The following ALK variants were observed in gnomAD, a reference collection of about 807,000 sequenced individuals.
ALK encodes the protein ALK tyrosine kinase receptor.
A neutral mutation model predicts 163.1 loss-of-function variants in ALK; 74 were observed. The ratio of observed to expected loss-of-function variants is 0.45; its 90% CI spans 0.38 to 0.55. The LOEUF (loss-of-function observed/expected upper bound fraction) is 0.55. Ranked by LOEUF, ALK falls within the 20% of genes least tolerant of loss-of-function variation. The probability of loss-of-function intolerance (pLI) is 0.00; values close to 1 mark genes in which losing one functional copy is unlikely to be tolerated. For missense variants in ALK, 2,063 were observed against 2,105.3 expected, an observed-to-expected ratio of 0.98 and a Z score of 0.39; for synonymous variants, 960 against 843.2, an observed-to-expected ratio of 1.14 and a Z score of -2.40.
intron 3 of ALK, among the ~76,000 whole-genome samples, chr2:29,656,066 C>T (rs771590493): frequency 1.1e-4 from 16 of 152,096 alleles, no homozygotes; most frequent in Non-Finnish European, 2.1e-4. Flanking sequence ...GACACTAGAA[C>T]ATTTTTTTGG....
At position 29,550,707 on chromosome 2, in the gene ALK, G is replaced by A. The variant is rs527775273; in HGVS notation, c.953-18591C>T. Among the ~76,000 whole-genome samples the A allele has an allele frequency of 9.9e-5, 15 of 152,158 alleles. 1 individual carries two copies. The highest frequency in any genetic ancestry group is 5.2e-4 in the Admixed American group (8 of 15,282). ...TATAGGGACAAATAATACTTTCCCA[G>A]GAAAATTATTTTTCCTTTGTTATCA... On this transcript the variant is annotated intron_variant, in intron 3 of 28. Coordinates refer to ENST00000389048, the MANE Select transcript of ALK (RefSeq NM_004304.5).
chr2:29,661,391 A>T (rs1677341395), intron 3 of ALK, among the ~76,000 whole-genome samples: 1 of 152,168 alleles, frequency 6.6e-6, no homozygotes, highest in African/African-American at 2.4e-5. Flanking sequence ...TATGATTGTC[A>T]ACTCCAGGAC....
chr2:29,232,303 C>T lies in ALK; in HGVS notation c.2632+1G>A, dbSNP rs1664234863. 1.2e-6 allele frequency: 2 copies of T among 1,614,230 alleles called. No homozygotes were observed. The highest frequency in any genetic ancestry group is 1.7e-6 in the Non-Finnish European group (2 of 1,180,044). On this transcript the variant is annotated splice_donor_variant, in intron 15 of 28. Transcript: ENST00000389048. LOFTEE classifies it high-confidence loss of function. ...GAGAGGGCACGCTTGCAGCGCTTTA[C>T]CTGCGGCTCCGGAATTGCCGTTTAG...
intron 11 of ALK, among the ~76,000 whole-genome samples, chr2:29,251,622 GA>G (rs964898192): frequency 2.0e-5 from 3 of 152,218 alleles, no homozygotes; most frequent in Non-Finnish European, 4.4e-5. Context: ...AGGAAGGGGA[GA>G]AGGCCCCTGC....
At chr2:29,847,069 C>T (rs981624781) in intron 1 of ALK, among the ~76,000 whole-genome samples, 1 of 152,152 alleles carries the variant, frequency 6.6e-6, no homozygotes, top group African/African-American at 2.4e-5. Flanking sequence ...CAGGTGGCCT[C>T]CACCAGCAAA....
chr2:29,738,764 AG>A (rs1406980060), intron 1 of ALK, among the ~76,000 whole-genome samples: 1 of 152,086 alleles, frequency 6.6e-6, no homozygotes, highest in Non-Finnish European at 1.5e-5. Flanking sequence ...CCATGCCATG[AG>A]CCATTTGCTC....
At chr2:29,811,641 T>G (rs144284935) in intron 1 of ALK, among the ~76,000 whole-genome samples, 252 of 152,284 alleles carry the variant, frequency 1.7e-3, no homozygotes, top group African/African-American at 5.4e-3. Flanking sequence ...GGCATGACTC[T>G]AAAGCACAAA....
At chr2:29,683,672 T>G (rs1328665714) in intron 3 of ALK, among the ~76,000 whole-genome samples, 1 of 152,164 alleles carries the variant, frequency 6.6e-6, no homozygotes, top group African/African-American at 2.4e-5. Context: ...CAGCAAATCC[T>G]TTGTCATGTC....
chr2:29,683,926 T>C (rs1170409221), intron 3 of ALK, among the ~76,000 whole-genome samples: 2 of 152,116 alleles, frequency 1.3e-5, no homozygotes, highest in Non-Finnish European at 2.9e-5. Flanking sequence ...TTATAACAAG[T>C]CAGGAAAGGG....
chr2:29,910,478 A>G (rs1337341668), intron 1 of ALK, among the ~76,000 whole-genome samples: 1 of 152,218 alleles, frequency 6.6e-6, no homozygotes, highest in South Asian at 2.1e-4. Context: ...AAAAATATAA[A>G]GAGAACCAAG....
At chr2:29,552,605 T>A (rs1280195523) in intron 3 of ALK, among the ~76,000 whole-genome samples, 2 of 152,246 alleles carry the variant, frequency 1.3e-5, no homozygotes, top group African/African-American at 2.4e-5. Flanking sequence ...TAATGACTAA[T>A]GATGTTGAGC....
chr2:29,249,723 C>T (rs755041097), intron 12 of ALK, among the ~76,000 whole-genome samples: 3 of 152,198 alleles, frequency 2.0e-5, no homozygotes, highest in Non-Finnish European at 4.4e-5. Flanking sequence ...AAGCATTCCT[C>T]TCCTCCTCTC....
intron 6 of ALK, among the ~76,000 whole-genome samples, chr2:29,321,723 C>T (rs75757684): frequency 0.051 from 7,829 of 152,168 alleles, 281 homozygotes; most frequent in Non-Finnish European, 0.076. Context: ...CCTCATTGGA[C>T]GGGTACTGTA....
intron 2 of ALK, among the ~76,000 whole-genome samples, chr2:29,702,573 T>A (rs982321803): frequency 6.6e-6 from 1 of 152,204 alleles, no homozygotes; most frequent in African/African-American, 2.4e-5. Flanking sequence ...AAAGTTCCCT[T>A]CTAGGTTTCT....
In ALK at chr2:29,193,550, C is replaced by T. The variant is rs374733353; in HGVS notation, c.4537G>A (p.Glu1513Lys). 12 of 1,614,100 alleles carry T rather than the reference C, an allele frequency of 7.4e-6. No homozygotes were observed. In the Admixed American group the frequency reaches 8.3e-5, roughly 11 times the overall value. ...GGATTATTCTTTTTGGTGGGTTTCT[C>T]TGTAAACCAGGAGCCGTACGTTGGG... Reference protein sequence around the residue: ...WNPTYGSWFTEKPTKKNNPIA... With the variant: ...WNPTYGSWFTKKPTKKNNPIA... The change falls in exon 29 of 29, where the codon GAG (glutamate) becomes AAG (lysine). Residue 1513 changes from glutamate to lysine, a missense_variant. This residue lies in a region of ALK where 403 missense variants were observed against 366.2 expected (regional missense o/e 1.10). Coordinates refer to ENST00000389048, the MANE Select transcript of ALK (RefSeq NM_004304.5).
At chr2:29,219,110 T>C (rs949271399) in intron 23 of ALK, among the ~76,000 whole-genome samples, 3 of 152,164 alleles carry the variant, frequency 2.0e-5, no homozygotes, top group Non-Finnish European at 4.4e-5. Context: ...ATCCATAGAA[T>C]TGGGGAGAGA....
chr2:29,330,068 G>C (rs7604069), intron 5 of ALK, among the ~76,000 whole-genome samples: 1 of 152,020 alleles, frequency 6.6e-6, no homozygotes, highest in Admixed American at 6.5e-5. Flanking sequence ...GACAGCACAC[G>C]GCCACCCAGC....
intron 3 of ALK, among the ~76,000 whole-genome samples, chr2:29,637,915 A>G (rs1193146274): frequency 6.6e-6 from 1 of 152,160 alleles, no homozygotes; most frequent in Non-Finnish European, 1.5e-5. Context: ...GTTTAATTAA[A>G]ACATATATAG....
chr2:29,560,738 AT>A (rs1341827224), intron 3 of ALK, among the ~76,000 whole-genome samples: 1 of 151,794 alleles, frequency 6.6e-6, no homozygotes, highest in African/African-American at 2.4e-5. Context: ...TGCCTGGCTA[AT>A]TTTGGTATTT....
Sources: allele counts gnomAD v4.1 joint callset (sites outside exome capture counted in the v4.1 genomes callset), GRCh38; gene constraint gnomAD v4.1.1; regional missense constraint gnomAD v4.1.1; transcripts MANE v1.5; gene names NCBI Gene and HGNC (gene_info 2026-07-23, HGNC 2026-07-21).